LSG1: variants seen among roughly 807,000 people sequenced by gnomAD.
LSG1 encodes large subunit GTPase 1 homolog.
In LSG1, 55 loss-of-function variants were observed where a neutral mutation model predicts 82.6. The observed-to-expected ratio is 0.67, with a 90% CI of 0.54 to 0.83. The LOEUF (loss-of-function observed/expected upper bound fraction) is 0.83, where lower values mean the gene tolerates loss of function less well. Ranked by LOEUF, LSG1 falls within the 40% of genes least tolerant of loss-of-function variation. LSG1 has a pLI of 0.00. For missense variants in LSG1, 809 were observed against 807.9 expected, an observed-to-expected ratio of 1.00 and a Z score of -0.02; for synonymous variants, 272 against 282.5, an observed-to-expected ratio of 0.96 and a Z score of 0.37.
rs1358830874 is a variant in LSG1, at chr3:194,642,159, G to A, written c.1886C>T (p.Ser629Phe). ...CCAGGGCTTCCCCGCCCCGTTCTCA[G>A]AGCTCGCAGTGGATGCAGTCACTAC... is the stretch of plus-strand genomic sequence containing the variant. ...SGVVTASTASSENGAGKPWKK... is the reference protein window; with the variant it reads ...SGVVTASTASFENGAGKPWKK... The change falls in exon 14 of 14, where the codon TCT (serine) becomes TTT (phenylalanine). Residue 629 changes from serine to phenylalanine, a missense_variant. Physicochemically the swap from Ser to Phe is radical, Grantham distance 155. Transcript: ENST00000265245. 3.1e-6 allele frequency: 5 copies of A among 1,613,830 alleles called. No homozygotes were observed. The East Asian group carries it at 1.1e-4, about 36-fold the overall frequency.
Position 194,666,478 on chromosome 3 carries a change from G to T in LSG1, c.321C>A (p.Asn107Lys). The change falls in exon 3 of 14, where the codon AAC (asparagine) becomes AAA (lysine). Residue 107 changes from asparagine (N) to lysine (K), a missense_variant. By Grantham distance (94) the Asn-to-Lys change is moderately conservative (BLOSUM62 0). Transcript: ENST00000265245. ...TCCTCGGTATACACAAGAACTGTTTGTTTTCTTCATGGAGCTTCTTAATTC... is the reference window on the plus strand; with the variant it reads ...TCCTCGGTATACACAAGAACTGTTTTTTTTCTTCATGGAGCTTCTTAATTC... ...SQRIKKLHEE[N>K]KQFLCIPRRP... 1 of 1,614,060 alleles carries T rather than the reference G, an allele frequency of 6.2e-7. No homozygotes were observed. The highest frequency in any genetic ancestry group is 1.7e-5 in the Admixed American group (1 of 60,006).
At chr3:194,647,093 G>GTTA (rs111980965) in intron 11 of LSG1, among the ~76,000 whole-genome samples, 9,151 of 152,252 alleles carry the variant, frequency 0.06, 310 homozygotes, top group Middle Eastern at 0.1. Context: ...GAAGAAAATA[G>GTTA]TTAGAATCCT....
intron 7 of LSG1, among the ~76,000 whole-genome samples, chr3:194,655,491 C>T (rs1375908866): frequency 4.0e-5 from 6 of 151,850 alleles, no homozygotes; most frequent in African/African-American, 1.5e-4. Context: ...TATTCTTCTG[C>T]CTAAGAATGG....
Position 194,642,060 on chromosome 3 carries a change from G to C in LSG1, c.*8C>G. On this transcript the variant is annotated 3_prime_UTR_variant, in exon 14 of 14. Transcript: ENST00000265245. ...CAATGCAGATGACATTTCTGTTGCAGCCCAACCTCACATATCCAGGTGCTT... is the reference window on the plus strand; with the variant it reads ...CAATGCAGATGACATTTCTGTTGCACCCCAACCTCACATATCCAGGTGCTT... 1 of 1,611,348 alleles carries C rather than the reference G, an allele frequency of 6.2e-7. No homozygotes were observed. Among genetic ancestry groups the C allele is most frequent in the African/African-American group, 1.3e-5 (1 of 74,834 alleles).
intron 10 of LSG1, among the ~76,000 whole-genome samples, chr3:194,650,538 C>T (rs182566856): frequency 1.3e-5 from 2 of 152,232 alleles, no homozygotes; most frequent in South Asian, 2.1e-4. Context: ...TATAATCAAC[C>T]GTGAGATAGA....
At position 194,641,801 on chromosome 3, in the gene LSG1, A is replaced by G. The variant is rs1013535750; in HGVS notation, c.*267T>C. ...GCTAATTTTTTTGTATTTTTAGTAG[A>G]GACGGGGTTTCTCCATGTTGGTGCG... On this transcript the variant is annotated 3_prime_UTR_variant, in exon 14 of 14. Transcript: ENST00000265245. 6 of 299,476 alleles carry G rather than the reference A, an allele frequency of 2.0e-5. No homozygotes were observed. Among genetic ancestry groups the G allele is most frequent in the East Asian group, 1.7e-4 (3 of 17,364 alleles). 18.6% of individuals were successfully genotyped at this position (299,476 alleles called of 1,614,324 possible). A position where few individuals can be genotyped will look rare whatever the true frequency, so the allele number is the denominator to read the frequency against.
intron 13 of LSG1, 38 bp downstream of exon 13, chr3:194,644,535 T>C: frequency 1.3e-6 from 2 of 1,525,516 alleles, no homozygotes; most frequent in Non-Finnish European, 1.8e-6. Context: ...ATAAAAAGAG[T>C]GTTGGATCAG....
Position 194,644,591 on chromosome 3 carries a change from G to A in LSG1, c.1779C>T (p.Asp593=), listed in dbSNP as rs1272362785. ...AACTTACTTGATGGAAAAAAGTTTT[G>A]TCAACGATATTTTCAATCTGCTTTG... The part of the protein sequence containing the change: ...KKAKQIENIV[D]KTFFHQENVR... The change falls in exon 13 of 14, where the codon GAC becomes GAT. Residue 593 remains aspartate (D), a synonymous_variant. Coordinates refer to ENST00000265245, the MANE Select transcript of LSG1 (RefSeq NM_018385.3). 3 of 1,610,312 alleles carry A rather than the reference G, an allele frequency of 1.9e-6. No individual in the cohort carries two copies. The highest frequency in any genetic ancestry group is 2.7e-5 in the African/African-American group (2 of 74,670).
chr3:194,665,186 A>T (rs1719007475), intron 5 of LSG1, among the ~76,000 whole-genome samples: 1 of 152,168 alleles, frequency 6.6e-6, no homozygotes, highest in South Asian at 2.1e-4. Context: ...GGCTGACAGG[A>T]GCTCTGACAT....
At chr3:194,664,793 G>A (rs573083821) in intron 5 of LSG1, among the ~76,000 whole-genome samples, 129 of 152,136 alleles carry the variant, frequency 8.5e-4, no homozygotes, top group Admixed American at 3.7e-3. Flanking sequence ...GGTGGTGTGC[G>A]CCTGTAATCT....
intron 5 of LSG1, chr3:194,660,916 TG>T: frequency 4.4e-6 from 2 of 456,484 alleles, no homozygotes; most frequent in Non-Finnish European, 8.8e-6. Flanking sequence ...TTCCCTTCTA[TG>T]GGAGGCTCCT....
At chr3:194,661,495 G>A (rs1474463029) in intron 5 of LSG1, among the ~76,000 whole-genome samples, 3 of 152,218 alleles carry the variant, frequency 2.0e-5, no homozygotes, top group Non-Finnish European at 2.9e-5. Context: ...CCATGTAGCA[G>A]GAGGGGTCTA....
At position 194,650,920 on chromosome 3, in the gene LSG1, T is replaced by C. The variant is rs1419999950; in HGVS notation, c.1380A>G (p.Pro460=). 1 of 1,614,044 alleles carries C rather than the reference T, an allele frequency of 6.2e-7. No homozygotes were observed. Among genetic ancestry groups the C allele is most frequent in the Admixed American group, 1.7e-5 (1 of 59,998 alleles). ...GAACATGATCTCTCATCTGATCAAT[T>C]GGGAGGATTCCGCTGCAAGTCATTT... ...KAEMTCSGIL[P]IDQMRDHVPP... is the part of the protein sequence containing the mutation. Residue 460 remains proline (P), a synonymous_variant, in exon 10 of 14, where the codon CCA becomes CCG. Coordinates refer to ENST00000265245, the MANE Select transcript of LSG1 (RefSeq NM_018385.3).
chr3:194,651,049 G>T, intron 9 of LSG1, 25 bp from the exon 10 acceptor site: 1 of 1,614,020 alleles, frequency 6.2e-7, no homozygotes, highest in Non-Finnish European at 8.5e-7. Flanking sequence ...AGAGGTTTGA[G>T]CTGGGTATAC....
chr3:194,641,252 G>T lies in LSG1; in HGVS notation c.*816C>A, dbSNP rs1718371771. ...AATGGTCTTAAGCATATTCAGAGTT[G>T]TGTGACCATCGCTACAGTCAATTTT... is the stretch of plus-strand genomic sequence containing the variant. On this transcript the variant is annotated 3_prime_UTR_variant, in exon 14 of 14. Coordinates refer to ENST00000265245, the MANE Select transcript of LSG1 (RefSeq NM_018385.3). 1 of 152,208 alleles carries T rather than the reference G, an allele frequency of 6.6e-6. No individual in the cohort carries two copies. Among genetic ancestry groups the T allele is most frequent in the Non-Finnish European group, 1.5e-5 (1 of 68,038 alleles). The allele number at this position is 152,208 out of a possible 1,614,324, so 9.4% of individuals were successfully genotyped here.
intron 7 of LSG1, 120 bp from the exon 8 acceptor site, chr3:194,653,262 C>G: frequency 1.9e-6 from 2 of 1,049,794 alleles, no homozygotes; most frequent in Admixed American, 4.7e-5. Flanking sequence ...AGCCTGTAAT[C>G]CCAGCACTTT....
At chr3:194,645,278 T>C (rs2275682) in intron 12 of LSG1, 23,166 of 152,084 alleles carry the variant, frequency 0.15, 2,435 homozygotes, top group East Asian at 0.46. Flanking sequence ...TCCATACCAA[T>C]AGCATGAACT....
chr3:194,670,455 A>G (rs2108623680), intron 1 of LSG1, among the ~76,000 whole-genome samples: 1 of 152,366 alleles, frequency 6.6e-6, no homozygotes, highest in East Asian at 1.9e-4. Context: ...GTAGAACTTG[A>G]ACCCAGATTG....
intron 2 of LSG1, among the ~76,000 whole-genome samples, chr3:194,667,942 A>AAAAATATATATAT (rs1416407494): frequency 4.6e-5 from 4 of 86,962 alleles, no homozygotes; most frequent in Non-Finnish European, 6.1e-5. Flanking sequence ...AAAAAAAAAA[A>AAAAATATATATAT]ATATATATAT....
Sources: gnomAD v4.1 joint callset for allele counts (sites outside exome capture counted in the v4.1 genomes callset) on GRCh38, gnomAD v4.1.1 for gene constraint, MANE v1.5 for transcripts, NCBI Gene and HGNC (gene_info 2026-07-23, HGNC 2026-07-21) for gene names.